The following DNAH7 variants were observed in gnomAD, a reference collection of about 807,000 sequenced individuals.
DNAH7 encodes axonemal beta dynein heavy chain 7.
A neutral mutation model predicts 444.6 loss-of-function variants in DNAH7; 397 were observed. The ratio of observed to expected loss-of-function variants is 0.89; its 90% confidence interval spans 0.82 to 0.97. DNAH7 has a LOEUF of 0.97. DNAH7 is among the 50% of genes least tolerant of loss of function. DNAH7 has a pLI of 0.00. For missense variants in DNAH7, 4,902 were observed against 4,800.8 expected (o/e 1.02, Z -0.62); for synonymous variants, 1,636 against 1,624.4 (o/e 1.01, Z -0.17).
At chr2:196,061,571 T>G (rs1698136162) in intron 1 of DNAH7, among the ~76,000 whole-genome samples, 2 of 152,200 alleles carry the variant, frequency 1.3e-5, no homozygotes, top group Admixed American at 1.3e-4. Flanking sequence ...CTTTTTCTCA[T>G]ATCACACATT....
At chr2:195,972,547 A>T (rs894627192) in intron 15 of DNAH7, 81 bp from the exon 16 acceptor site, 2 of 1,033,480 alleles carry the variant, frequency 1.9e-6, no homozygotes, top group East Asian at 4.9e-5. Flanking sequence ...ACACTGTATA[A>T]CTATGCACAG....
At chr2:195,821,161 A>T (rs1245373583) in intron 49 of DNAH7, among the ~76,000 whole-genome samples, 1 of 121,604 alleles carries the variant, frequency 8.2e-6, no homozygotes, top group Non-Finnish European at 1.7e-5. Context: ...TGGGAAGGTT[A>T]AAAAAAAAAA....
intron 21 of DNAH7, among the ~76,000 whole-genome samples, chr2:195,928,430 A>T (rs1334004277): frequency 6.6e-6 from 1 of 152,204 alleles, no homozygotes; most frequent in Non-Finnish European, 1.5e-5. Context: ...TACATAAATT[A>T]GCAAATCATA....
At chr2:195,740,638 TATATATACATATAC>T (rs1412163211) in intron 64 of DNAH7, 114 bp downstream of exon 64, 3 of 95,312 alleles carry the variant, frequency 3.1e-5, no homozygotes, top group East Asian at 2.8e-4. Flanking sequence ...TATATATATA[TATATATACATATAC>T]ACACACACAT....
At chr2:195,967,504 G>A (rs934150219) in intron 17 of DNAH7, among the ~76,000 whole-genome samples, 24 of 151,846 alleles carry the variant, frequency 1.6e-4, no homozygotes, top group African/African-American at 5.6e-4. Flanking sequence ...TTTCAGATTC[G>A]CAAACTATGG....
At chr2:195,849,445 A>G (rs1159049) in intron 46 of DNAH7, among the ~76,000 whole-genome samples, 14,773 of 152,190 alleles carry the variant, frequency 0.097, 824 homozygotes, top group African/African-American at 0.15. Flanking sequence ...AATTCTCCCT[A>G]GCATAAGTAC....
intron 19 of DNAH7, among the ~76,000 whole-genome samples, chr2:195,952,924 C>T (rs995391078): frequency 6.6e-6 from 1 of 152,166 alleles, no homozygotes; most frequent in Non-Finnish European, 1.5e-5. Flanking sequence ...CTTCTGAAGC[C>T]TACTTCTGTC....
intron 16 of DNAH7, among the ~76,000 whole-genome samples, chr2:195,971,115 G>GT (rs1457131180): frequency 6.6e-6 from 1 of 152,174 alleles, no homozygotes; most frequent in Non-Finnish European, 1.5e-5. Context: ...AAAATGAAGA[G>GT]TTTTTTAAGC....
At chr2:195,947,636 T>C (rs912785088) in intron 19 of DNAH7, among the ~76,000 whole-genome samples, 1 of 152,218 alleles carries the variant, frequency 6.6e-6, no homozygotes, top group African/African-American at 2.4e-5. Context: ...TCCTTTTTTA[T>C]GGCTGCATAT....
intron 24 of DNAH7, among the ~76,000 whole-genome samples, chr2:195,920,165 C>T (rs1416347261): frequency 6.6e-6 from 1 of 151,988 alleles, no homozygotes; most frequent in Non-Finnish European, 1.5e-5. Context: ...ATACAATTCC[C>T]ACATCAAAAT....
chr2:195,876,840 A>G (rs1047770654), intron 36 of DNAH7, 141 bp from the exon 37 acceptor site: 2 of 622,444 alleles, frequency 3.2e-6, no homozygotes, highest in Non-Finnish European at 2.7e-6. Flanking sequence ...ATCAGTAGGA[A>G]TAACAGTTAC....
At chr2:195,830,469 T>C (rs1489283061) in intron 48 of DNAH7, among the ~76,000 whole-genome samples, 2 of 152,228 alleles carry the variant, frequency 1.3e-5, no homozygotes, top group East Asian at 3.8e-4. Context: ...ACAACTTATG[T>C]TCAACTCTGT....
At chr2:195,757,305 A>C (rs1476850199) in intron 61 of DNAH7, among the ~76,000 whole-genome samples, 1 of 152,184 alleles carries the variant, frequency 6.6e-6, no homozygotes, top group Non-Finnish European at 1.5e-5. Flanking sequence ...ATTACATAAA[A>C]TGCTTTGAAA....
chr2:195,740,962 G>A (rs1559062788), intron 63 of DNAH7, 93 bp from the exon 64 acceptor site: 1 of 577,370 alleles, frequency 1.7e-6, no homozygotes, highest in Non-Finnish European at 2.7e-6. Context: ...GTACTATGCA[G>A]GTGATACTAG....
chr2:195,815,923 G>A (rs1697194398), intron 51 of DNAH7, among the ~76,000 whole-genome samples: 1 of 152,188 alleles, frequency 6.6e-6, no homozygotes, highest in Admixed American at 6.5e-5. Context: ...AACCCGGGAG[G>A]CGGAGTTTGC....
intron 17 of DNAH7, 89 bp from the exon 18 acceptor site, chr2:195,961,034 A>G (rs1205100192): frequency 8.7e-7 from 1 of 1,144,322 alleles, no homozygotes; most frequent in Admixed American, 3.4e-5. Context: ...TTCAAATGTG[A>G]GCCAAAAAAA....
chr2:195,807,165 T>C (rs1402773100), intron 53 of DNAH7, among the ~76,000 whole-genome samples: 1 of 152,110 alleles, frequency 6.6e-6, no homozygotes, highest in African/African-American at 2.4e-5. Context: ...CTTTTTTTTT[T>C]TCTTTTTTTA....
In DNAH7 at chr2:195,810,270, CTTCT is replaced by C. The variant is rs559925405; in HGVS notation, c.9762-403_9762-400del. 1.6e-4 allele frequency among the ~76,000 whole-genome samples: 24 copies of C among 152,174 alleles called. No homozygotes were observed. In the South Asian group the frequency reaches 5.0e-3, roughly 32 times the overall value. ...TAAATGAATAGTCTAAAATTAGTAG[CTTCT>C]TTATTAAATTTAGTATTGTGCTACT... is the stretch of plus-strand genomic sequence containing the variant. On this transcript the variant is annotated intron_variant, in intron 51 of 64. Transcript: ENST00000312428.
rs767015854 is a variant in DNAH7 at position 195,926,432 on chromosome 2, C to A, written c.3606G>T (p.Gly1202=). The change falls in exon 22 of 65, where the codon GGG becomes GGT. Residue 1202 remains glycine (G), a synonymous_variant. Transcript: ENST00000312428. ...AGGGTTAATAAAACCTTACCTTTATCCCCATTGGAATAGCTGTTTGTACTT... is the reference window on the plus strand; with the variant it reads ...AGGGTTAATAAAACCTTACCTTTATACCCATTGGAATAGCTGTTTGTACTT... ...TKEVQTAIPM[G]IKALEQYLKT... 5 of 1,573,810 alleles carry A rather than the reference C, an allele frequency of 3.2e-6. No homozygotes were observed. The highest frequency in any genetic ancestry group is 4.3e-6 in the Non-Finnish European group (5 of 1,163,336).
Sources: allele counts gnomAD v4.1 joint callset (sites outside exome capture counted in the v4.1 genomes callset), GRCh38; gene constraint gnomAD v4.1.1; transcripts MANE v1.5; gene names NCBI Gene and HGNC (gene_info 2026-07-23, HGNC 2026-07-21).